STON1: variants seen among roughly 807,000 people sequenced by gnomAD.
STON1 encodes the protein stonin-1.
In STON1, 79 loss-of-function variants were observed where a neutral mutation model predicts 60.9. That is an observed-to-expected ratio of 1.30 (90% CI 1.08 to 1.56). The LOEUF (loss-of-function observed/expected upper bound fraction) is 1.56. Among genes scored for constraint, STON1 ranks in the 40% most tolerant of loss-of-function variants. The pLI is 0.00. For synonymous variants in STON1, 363 were observed against 306.9 expected (o/e 1.18, Z -1.91); for missense variants, 1,166 against 858.9 (o/e 1.36, Z -4.47).
rs57488023 is a variant in STON1 at position 48,542,550 on chromosome 2, G to A, written c.-48+12334G>A. 2.1e-3 allele frequency among the ~76,000 whole-genome samples: 327 copies of A among 152,292 alleles called. 1 individual carries two copies. Among genetic ancestry groups the A allele is most frequent in the African/African-American group, 7.6e-3 (317 of 41,554 alleles). ...ATTATGTTAATGCTCACAAATGTTA[G>A]TTTCCTCCCATTATCTCCACTCTCC... On this transcript the variant is annotated intron_variant, in intron 1 of 3. Coordinates refer to ENST00000404752, the MANE Select transcript of STON1 (RefSeq NM_006873.4).
chr2:48,573,232 C>A (rs1263841576), intron 1 of STON1, among the ~76,000 whole-genome samples: 1 of 152,110 alleles, frequency 6.6e-6, no homozygotes, highest in African/African-American at 2.4e-5. Flanking sequence ...TCAGTTTGGG[C>A]CGTTTGCCCT....
At chr2:48,539,610 T>G (rs1235527466) in intron 1 of STON1, among the ~76,000 whole-genome samples, 2 of 152,054 alleles carry the variant, frequency 1.3e-5, no homozygotes, top group African/African-American at 4.8e-5. Context: ...CAAGCGATCT[T>G]CCTGCCTCAG....
intron 1 of STON1, among the ~76,000 whole-genome samples, chr2:48,570,438 C>T (rs1439535757): frequency 6.6e-6 from 1 of 152,112 alleles, no homozygotes; most frequent in Non-Finnish European, 1.5e-5. Flanking sequence ...TTTGTGTGAA[C>T]CCTCCTATTG....
chr2:48,587,944 A>C (rs949155816), intron 2 of STON1, among the ~76,000 whole-genome samples: 2 of 152,164 alleles, frequency 1.3e-5, no homozygotes, highest in Non-Finnish European at 2.9e-5. Context: ...CCCTGCCCCA[A>C]GCTTCTCCGT....
chr2:48,542,828 G>A (rs1008953862), intron 1 of STON1, among the ~76,000 whole-genome samples: 1 of 151,968 alleles, frequency 6.6e-6, no homozygotes, highest in Non-Finnish European at 1.5e-5. Context: ...TGCTTGAGCC[G>A]GGGAGGTTGA....
At position 48,580,812 on chromosome 2, in the gene STON1, C is replaced by T; in HGVS notation, c.179C>T (p.Thr60Ile). The T allele has an allele frequency of 6.5e-7, 1 of 1,546,680 alleles. No individual in the cohort carries two copies. Among genetic ancestry groups the T allele is most frequent in the South Asian group, 1.3e-5 (1 of 78,240 alleles). ...FPSGSSSTSS[T>I]PLSSPIVDFY... ...AGTGGATCTTCCTCCACCAGCAGCACTCCTCTCTCCTCCCCCATTGTAGAT... is the reference window on the plus strand; with the variant it reads ...AGTGGATCTTCCTCCACCAGCAGCATTCCTCTCTCCTCCCCCATTGTAGAT... The change falls in exon 2 of 4, where the codon ACT becomes ATT. Residue 60 changes from threonine to isoleucine, a missense_variant. Thr to Ile is a moderately conservative substitution (Grantham distance 89). Transcript: ENST00000404752.
intron 1 of STON1, among the ~76,000 whole-genome samples, chr2:48,570,850 T>A (rs906496342): frequency 7.3e-6 from 1 of 136,586 alleles, no homozygotes; most frequent in Non-Finnish European, 1.6e-5. Context: ...TGAGTTTTTT[T>A]TTTTTTTTTT....
rs999101828 is a variant in STON1 at position 48,561,819 on chromosome 2, C to A, written c.-47-18768C>A. On this transcript the variant is annotated intron_variant, in intron 1 of 3. Transcript: ENST00000404752. ...ATTAACCCAGGTTTTCAGGTTTTCA[C>A]CTTTCAGTCGTCAGCCACATGTATG... is the stretch of plus-strand genomic sequence containing the variant. 9.9e-5 allele frequency among the ~76,000 whole-genome samples: 15 copies of A among 152,118 alleles called. 1 individual carries two copies. Among genetic ancestry groups the A allele is most frequent in the Admixed American group, 7.2e-4 (11 of 15,274 alleles).
chr2:48,553,705 C>T (rs552650524), intron 1 of STON1, among the ~76,000 whole-genome samples: 1 of 152,202 alleles, frequency 6.6e-6, no homozygotes, highest in East Asian at 1.9e-4. Flanking sequence ...CCAGGCTGGT[C>T]TTGAACTCCT....
chr2:48,541,705 A>C (rs941091588), intron 1 of STON1, among the ~76,000 whole-genome samples: 5 of 149,996 alleles, frequency 3.3e-5, no homozygotes, highest in East Asian at 1.9e-4. Context: ...GTCTCAAAAA[A>C]AAAAAAAAAA....
chr2:48,546,479 G>A (rs1413728237), intron 1 of STON1, among the ~76,000 whole-genome samples: 1 of 152,184 alleles, frequency 6.6e-6, no homozygotes, highest in African/African-American at 2.4e-5. Flanking sequence ...TCCAGGACCT[G>A]CATCTTTGTC....
At chr2:48,536,584 C>T (rs537326998) in intron 1 of STON1, among the ~76,000 whole-genome samples, 1 of 150,014 alleles carries the variant, frequency 6.7e-6, no homozygotes, top group South Asian at 2.1e-4. Flanking sequence ...TAGAATAGTA[C>T]CTGCTATATA....
Position 48,564,599 on chromosome 2 carries a change from CCTCCTTCTCCTT to C in STON1, c.-47-15966_-47-15955del, listed in dbSNP as rs1249665015. 3.0e-4 allele frequency among the ~76,000 whole-genome samples: 13 copies of C among 43,868 alleles called. 1 individual carries two copies. Among genetic ancestry groups the C allele is most frequent in the Non-Finnish European group, 4.6e-4 (9 of 19,746 alleles). 28.8% of individuals were successfully genotyped at this position (43,868 alleles called of 152,430 possible). A position where few individuals can be genotyped will look rare whatever the true frequency, so the allele number is the denominator to read the frequency against. On this transcript the variant is annotated intron_variant, in intron 1 of 3. Coordinates refer to ENST00000404752, the MANE Select transcript of STON1 (RefSeq NM_006873.4). Reference sequence around the variant, plus strand: ...TCCTTCTCCTCCTCCTCCTCCTCCTCCTCCTTCTCCTTCTCCTTCTCCTTCTCCTTCTCTTTC... The same window carrying C: ...TCCTTCTCCTCCTCCTCCTCCTCCTCCTCCTTCTCCTTCTCCTTCTCTTTC...
intron 1 of STON1, among the ~76,000 whole-genome samples, chr2:48,564,484 T>TTCTTCTTCTTCTTCTTCTTCTTCC (rs1672793092): frequency 4.3e-5 from 1 of 23,292 alleles, no homozygotes; most frequent in Non-Finnish European, 8.7e-5. Flanking sequence ...TTCTTCTTTC[T>TTCTTCTTCTTCTTCTTCTTCTTCC]TCTTCTTCTT....
At chr2:48,561,147 G>T (rs1300907708) in intron 1 of STON1, among the ~76,000 whole-genome samples, 1 of 152,094 alleles carries the variant, frequency 6.6e-6, no homozygotes, top group African/African-American at 2.4e-5. Context: ...TTTCTCTCTG[G>T]ATACTGCCTC....
intron 1 of STON1, among the ~76,000 whole-genome samples, chr2:48,557,363 C>G (rs1288817842): frequency 9.8e-6 from 1 of 101,964 alleles, no homozygotes; most frequent in Non-Finnish European, 2.2e-5. Flanking sequence ...GCGCTCCCCA[C>G]ATCTCAGACG....
rs148012057 is a variant in STON1, at chr2:48,567,020, A to T, written c.-47-13567A>T. Among the ~76,000 whole-genome samples the T allele has an allele frequency of 5.7e-3, 873 of 152,368 alleles. 11 individuals carry two copies. The highest frequency in any genetic ancestry group is 0.02 in the African/African-American group (815 of 41,582). ...ACAGATTATTAGAACAAGGTAAAAA[A>T]AAAAAGTTGGCACCCAAGTTTATGC... On this transcript the variant is annotated intron_variant, in intron 1 of 3. Coordinates refer to ENST00000404752, the MANE Select transcript of STON1 (RefSeq NM_006873.4).
rs763923373 is a variant in STON1 at position 48,582,184 on chromosome 2, C to T, written c.1551C>T (p.Phe517=). ...CCTGCCGGTTTGAGCTGATGCGTTT[C>T]AAGACTTTGTATAATGGGGATAATC... The part of the protein sequence containing the change: ...LDACRFELMR[F]KTLYNGDNLP... Residue 517 remains phenylalanine (F), a synonymous_variant, in exon 2 of 4, where the codon TTC becomes TTT. Transcript: ENST00000404752. 1 of 1,614,202 alleles carries T rather than the reference C, an allele frequency of 6.2e-7. No homozygotes were observed. The highest frequency in any genetic ancestry group is 8.5e-7 in the Non-Finnish European group (1 of 1,180,042).
At chr2:48,548,853 A>G (rs1455332604) in intron 1 of STON1, among the ~76,000 whole-genome samples, 3 of 152,104 alleles carry the variant, frequency 2.0e-5, no homozygotes, top group South Asian at 2.1e-4. Flanking sequence ...ACTGAATACT[A>G]CAACATTTTT....
Sources: allele counts gnomAD v4.1 joint callset (sites outside exome capture counted in the v4.1 genomes callset), GRCh38; gene constraint gnomAD v4.1.1; transcripts MANE v1.5; gene names NCBI Gene and HGNC (gene_info 2026-07-23, HGNC 2026-07-21).